PDE10A: variants seen among roughly 807,000 people sequenced by gnomAD.
PDE10A encodes the protein cAMP and cAMP-inhibited cGMP 3',5'-cyclic phosphodiesterase 10A.
Under a neutral mutation model 97.7 loss-of-function variants are expected in PDE10A, and 39 were observed. That is an observed-to-expected ratio of 0.40 (90% CI 0.31 to 0.52). The LOEUF (loss-of-function observed/expected upper bound fraction) is 0.52. Ranked by LOEUF, PDE10A falls within the 20% of genes least tolerant of loss-of-function variation. The probability of loss-of-function intolerance (pLI) is 0.56; values close to 1 mark genes in which losing one functional copy is unlikely to be tolerated. For missense variants in PDE10A, 731 were observed against 1,047.8 expected, an observed-to-expected ratio of 0.70 and a Z score of 4.17; for synonymous variants, 371 against 376.8, an observed-to-expected ratio of 0.98 and a Z score of 0.18.
intron 8 of PDE10A, 22 bp downstream of exon 8, chr6:165,431,400 C>T (rs768104631): frequency 1.9e-6 from 3 of 1,571,428 alleles, no homozygotes; most frequent in Non-Finnish European, 2.6e-6. Flanking sequence ...GAAGCCCCTG[C>T]AAAAACACCC....
intron 5 of PDE10A, among the ~76,000 whole-genome samples, chr6:165,441,470 G>T (rs1321996154): frequency 6.6e-6 from 1 of 152,192 alleles, no homozygotes; most frequent in Non-Finnish European, 1.5e-5. Context: ...TTAACTAATG[G>T]AGGGTAAATG....
At chr6:165,342,870 T>A (rs1562365140) in intron 19 of PDE10A, among the ~76,000 whole-genome samples, 3 of 152,186 alleles carry the variant, frequency 2.0e-5, no homozygotes, top group Non-Finnish European at 4.4e-5. Context: ...ATAAAAGTCA[T>A]TTACGTGTTG....
intron 3 of PDE10A, among the ~76,000 whole-genome samples, chr6:165,453,807 G>GC (rs1224381547): frequency 6.6e-6 from 1 of 152,184 alleles, no homozygotes; most frequent in Non-Finnish European, 1.5e-5. Flanking sequence ...CGCACAGACA[G>GC]CCCCCAGTAG....
At chr6:165,903,361 G>A (rs1391286368) in intron 1 of PDE10A, among the ~76,000 whole-genome samples, 1 of 152,174 alleles carries the variant, frequency 6.6e-6, no homozygotes, top group Non-Finnish European at 1.5e-5. Flanking sequence ...TAGTGAAGAT[G>A]GAGGAAAGTA....
intron 1 of PDE10A, among the ~76,000 whole-genome samples, chr6:165,883,551 A>AT (rs1457352736): frequency 4.7e-5 from 3 of 64,430 alleles, no homozygotes; most frequent in African/African-American, 1.7e-4. Context: ...AAAAAAAAAA[A>AT]AATAAATAAA....
chr6:165,556,839 A>AT (rs1446949937), intron 1 of PDE10A, among the ~76,000 whole-genome samples: 2 of 152,012 alleles, frequency 1.3e-5, no homozygotes, highest in African/African-American at 4.8e-5. Context: ...TAAATCTTAA[A>AT]TAAAAAAAAA....
intron 1 of PDE10A, among the ~76,000 whole-genome samples, chr6:165,800,194 T>G (rs1778945188): frequency 6.6e-6 from 1 of 152,040 alleles, no homozygotes; most frequent in Non-Finnish European, 1.5e-5. Context: ...AGCAAGGAGG[T>G]GTCATTCTGC....
In PDE10A at chr6:165,961,933, C is replaced by A. The variant is rs150808308; in HGVS notation, c.-615+25596G>T. Among the ~76,000 whole-genome samples the A allele has an allele frequency of 1.3e-4, 20 of 152,330 alleles. No homozygotes were observed. The East Asian group carries it at 2.5e-3, about 19-fold the overall frequency. On this transcript the variant is annotated intron_variant, in intron 1 of 19. Coordinates refer to the PDE10A transcript ENST00000366882. ...GACATGAACCCAAGTCACCAACTGG[C>A]GTGACTTTTGTGGAGCATTATTTGC...
intron 1 of PDE10A, among the ~76,000 whole-genome samples, chr6:165,704,317 G>A (rs976092718): frequency 2.0e-5 from 3 of 152,132 alleles, no homozygotes; most frequent in Middle Eastern, 3.2e-3. Flanking sequence ...GGAGGAGCAC[G>A]TGGGACACCC....
At chr6:165,815,411 C>A (rs1323322541) in intron 1 of PDE10A, among the ~76,000 whole-genome samples, 1 of 152,102 alleles carries the variant, frequency 6.6e-6, no homozygotes, top group African/African-American at 2.4e-5. Flanking sequence ...TCATTTGACA[C>A]CGTGGTGTAG....
At chr6:165,653,629 C>T (rs1789793525) in intron 1 of PDE10A, among the ~76,000 whole-genome samples, 1 of 152,194 alleles carries the variant, frequency 6.6e-6, no homozygotes, top group South Asian at 2.1e-4. Flanking sequence ...ACACGTGTCT[C>T]TACCAGCGGC....
At chr6:165,488,554 G>A (rs1009402666) in intron 2 of PDE10A, among the ~76,000 whole-genome samples, 6 of 152,180 alleles carry the variant, frequency 3.9e-5, no homozygotes, top group African/African-American at 1.4e-4. Flanking sequence ...TTTGCTCCAA[G>A]AACTACCAAA....
chr6:165,529,523 G>T (rs1163942163), intron 2 of PDE10A, among the ~76,000 whole-genome samples: 1 of 152,166 alleles, frequency 6.6e-6, no homozygotes. Context: ...GTAGAAGAAG[G>T]TAGTCATCAT....
intron 1 of PDE10A, among the ~76,000 whole-genome samples, chr6:165,557,008 A>T (rs1478213133): frequency 6.6e-6 from 1 of 152,034 alleles, no homozygotes; most frequent in Admixed American, 6.6e-5. Context: ...GCGTGGTGGC[A>T]TGCGCCTGTC....
chr6:165,919,538 G>A (rs573195028), intron 1 of PDE10A, among the ~76,000 whole-genome samples: 1 of 152,290 alleles, frequency 6.6e-6, no homozygotes, highest in East Asian at 1.9e-4. Flanking sequence ...GGCTTTACAA[G>A]GCACATAAAG....
At chr6:165,486,045 G>A (rs1203368108) in intron 2 of PDE10A, among the ~76,000 whole-genome samples, 2 of 152,138 alleles carry the variant, frequency 1.3e-5, no homozygotes, top group South Asian at 2.1e-4. Flanking sequence ...TCCTCTTTCG[G>A]CTAGCAACGT....
chr6:165,351,762 T>A (rs1220707804), intron 18 of PDE10A, among the ~76,000 whole-genome samples: 1 of 152,246 alleles, frequency 6.6e-6, no homozygotes, highest in Non-Finnish European at 1.5e-5. Context: ...TAGCTCAACA[T>A]GTGTTAGCTG....
At chr6:165,944,036 G>A (rs189547743) in intron 1 of PDE10A, among the ~76,000 whole-genome samples, 1 of 152,350 alleles carries the variant, frequency 6.6e-6, no homozygotes, top group Non-Finnish European at 1.5e-5. Flanking sequence ...CTGCATGGTT[G>A]AGGAAGCCTC....
chr6:165,777,122 G>A (rs1319008379), intron 1 of PDE10A, among the ~76,000 whole-genome samples: 1 of 152,206 alleles, frequency 6.6e-6, no homozygotes, highest in Non-Finnish European at 1.5e-5. Flanking sequence ...ACTGAGAACA[G>A]CATCCCGGAC....
Sources: allele counts gnomAD v4.1 joint callset (sites outside exome capture counted in the v4.1 genomes callset), GRCh38; gene constraint gnomAD v4.1.1; transcripts MANE v1.5; gene names NCBI Gene and HGNC (gene_info 2026-07-23, HGNC 2026-07-21).